The following PCDHGA11 variants were observed in gnomAD, a reference collection of about 807,000 sequenced individuals.
PCDHGA11 encodes the protein protocadherin gamma subfamily A, 11.
Under a neutral mutation model 60.4 loss-of-function variants are expected in PCDHGA11, and 39 were observed. The ratio of observed to expected loss-of-function variants is 0.65; its 90% CI spans 0.50 to 0.84. The LOEUF is 0.84. Among genes scored for constraint, PCDHGA11 ranks in the 40% least tolerant of loss-of-function variants. The pLI is 0.00. For missense variants in PCDHGA11, 1,165 were observed against 1,197.7 expected, an observed-to-expected ratio of 0.97 and a Z score of 0.40; for synonymous variants, 533 against 510.3, an observed-to-expected ratio of 1.04 and a Z score of -0.60.
chr5:141,426,630 T>C, intron 1 of PCDHGA11: 1 of 398,080 alleles, frequency 2.5e-6, no homozygotes, highest in South Asian at 1.8e-5. Context: ...TCTAAATGTT[T>C]TTCACATAAA....
intron 1 of PCDHGA11, chr5:141,471,166 C>T (rs1427053969): frequency 2.0e-5 from 3 of 150,492 alleles, no homozygotes; most frequent in Non-Finnish European, 2.9e-5. Context: ...TCTCCTGGCT[C>T]AGCCTCCCTA....
At chr5:141,501,016 G>A (rs1042009106) in intron 2 of PCDHGA11, among the ~76,000 whole-genome samples, 7 of 151,716 alleles carry the variant, frequency 4.6e-5, no homozygotes, top group Non-Finnish European at 1.0e-4. Context: ...CTACAGGCAC[G>A]CGCCACCACG....
chr5:141,499,268 G>C (rs564234341), intron 2 of PCDHGA11, among the ~76,000 whole-genome samples: 1 of 152,224 alleles, frequency 6.6e-6, no homozygotes, highest in South Asian at 2.1e-4. Flanking sequence ...TTGGTCCCTA[G>C]ACTGTTCTCT....
In PCDHGA11 at chr5:141,432,129, A is replaced by T. The variant is rs758099753; in HGVS notation, c.2433+8469A>T. The T allele has an allele frequency of 6.2e-6, 10 of 1,614,054 alleles. No individual in the cohort carries two copies. In the South Asian group the frequency reaches 8.8e-5, roughly 14 times the overall value. On this transcript the variant is annotated intron_variant, in intron 1 of 3. Transcript: ENST00000398587. This position sits in a 1 kb window ranked among gnomAD's most constrained non-coding sequence, Gnocchi z 6.0. ...CCGCCGGTCTTCCCTCAGGCCTCCTATTCCGCTTATATCCCAGAGAACAAT... is the reference window on the plus strand; with the variant it reads ...CCGCCGGTCTTCCCTCAGGCCTCCTTTTCCGCTTATATCCCAGAGAACAAT...
chr5:141,431,858 G>T lies in PCDHGA11; in HGVS notation c.2433+8198G>T, dbSNP rs1421209596. On this transcript the variant is annotated intron_variant, in intron 1 of 3. Coordinates refer to ENST00000398587, the MANE Select transcript of PCDHGA11 (RefSeq NM_018914.3). This position sits in a 1 kb window ranked among gnomAD's most constrained non-coding sequence, Gnocchi z 4.8. ...AAACTCTCCCAGAGGGACATTAATTGCCCTTTTAAATGTAAATGACCAAGA... is the reference window on the plus strand; with the variant it reads ...AAACTCTCCCAGAGGGACATTAATTTCCCTTTTAAATGTAAATGACCAAGA... 6.8e-6 allele frequency: 11 copies of T among 1,614,080 alleles called. No homozygotes were observed. The highest frequency in any genetic ancestry group is 8.5e-6 in the Non-Finnish European group (10 of 1,180,028).
intron 3 of PCDHGA11, among the ~76,000 whole-genome samples, chr5:141,505,720 G>A (rs1251781594): frequency 2.2e-4 from 34 of 152,212 alleles, no homozygotes; most frequent in Non-Finnish European, 2.9e-5. Context: ...GACTCATGGA[G>A]GGAATAGTGG....
At chr5:141,464,091 T>G (rs2099075583) in intron 1 of PCDHGA11, among the ~76,000 whole-genome samples, 1 of 151,812 alleles carries the variant, frequency 6.6e-6, no homozygotes, top group African/African-American at 2.4e-5. Flanking sequence ...ATGGTGAAAC[T>G]CCGTCTCTAC....
At chr5:141,451,091 G>A (rs2098706622) in intron 1 of PCDHGA11, among the ~76,000 whole-genome samples, 1 of 151,962 alleles carries the variant, frequency 6.6e-6, no homozygotes, top group South Asian at 2.1e-4. Context: ...ACCTCCCAAA[G>A]TGTTGGGATT....
intron 1 of PCDHGA11, among the ~76,000 whole-genome samples, chr5:141,438,609 T>TATAC (rs2098013849): frequency 2.4e-5 from 1 of 41,118 alleles, no homozygotes; most frequent in Non-Finnish European, 3.9e-5. Context: ...TATATATATA[T>TATAC]ATATATATAT....
At position 141,477,053 on chromosome 5, in the gene PCDHGA11, G is replaced by C; in HGVS notation, c.2434-17754G>C. ...GACAATCAAGGGTCGGCTGGACTTC[G>C]AGGACACCAAACTCCATGAGATTTA... On this transcript the variant is annotated intron_variant, in intron 1 of 3. Coordinates refer to ENST00000398587, the MANE Select transcript of PCDHGA11 (RefSeq NM_018914.3). This position sits in a 1 kb window ranked among gnomAD's most constrained non-coding sequence, Gnocchi z 4.9. The C allele has an allele frequency of 6.2e-7, 1 of 1,614,230 alleles. No homozygotes were observed. Among genetic ancestry groups the C allele is most frequent in the Non-Finnish European group, 8.5e-7 (1 of 1,180,032 alleles).
Position 141,485,089 on chromosome 5 carries a change from G to A in PCDHGA11, c.2434-9718G>A. The stretch of plus-strand genomic sequence containing the variant: ...GAGCTGGCGCGGGGAAAGGGAGATA[G>A]GTGTCTCCAGCTGCTGTGGCTGTTT... On this transcript the variant is annotated intron_variant, in intron 1 of 3. Coordinates refer to ENST00000398587, the MANE Select transcript of PCDHGA11 (RefSeq NM_018914.3). This position sits in a 1 kb window ranked among gnomAD's most constrained non-coding sequence, Gnocchi z 5.7. 1 of 1,027,236 alleles carries A rather than the reference G, an allele frequency of 9.7e-7. No homozygotes were observed. The highest frequency in any genetic ancestry group is 1.5e-6 in the Non-Finnish European group (1 of 674,564). 63.6% of individuals were successfully genotyped at this position (1,027,236 alleles called of 1,614,324 possible). A position where few individuals can be genotyped will look rare whatever the true frequency, so the allele number is the denominator to read the frequency against.
intron 1 of PCDHGA11, among the ~76,000 whole-genome samples, chr5:141,492,164 C>G (rs1180358388): frequency 6.6e-6 from 1 of 152,230 alleles, no homozygotes; most frequent in Non-Finnish European, 1.5e-5. Context: ...CTCCCTATCC[C>G]CGCATCACCC....
Position 141,421,947 on chromosome 5 carries a change from C to T in PCDHGA11, c.720C>T (p.Ile240=). 1 of 1,613,118 alleles carries T rather than the reference C, an allele frequency of 6.2e-7. No homozygotes were observed. Among genetic ancestry groups the T allele is most frequent in the African/African-American group, 1.3e-5 (1 of 75,006 alleles). ...TGGTCCTCGATGTAAATGATCACAT[C>T]CCAATGTTTACACAGTCCGTATATC... ...RVVVLDVNDH[I]PMFTQSVYRV... Residue 240 remains isoleucine (I), a synonymous_variant, in exon 1 of 4, where the codon ATC becomes ATT. Coordinates refer to ENST00000398587, the MANE Select transcript of PCDHGA11 (RefSeq NM_018914.3).
chr5:141,491,648 T>G lies in PCDHGA11; in HGVS notation c.2434-3159T>G, dbSNP rs756792762. 1 of 1,613,834 alleles carries G rather than the reference T, an allele frequency of 6.2e-7. No individual in the cohort carries two copies. Among genetic ancestry groups the G allele is most frequent in the Non-Finnish European group, 8.5e-7 (1 of 1,180,002 alleles). On this transcript the variant is annotated intron_variant, in intron 1 of 3. Coordinates refer to ENST00000398587, the MANE Select transcript of PCDHGA11 (RefSeq NM_018914.3). This position sits in a 1 kb window ranked among gnomAD's most constrained non-coding sequence, Gnocchi z 6.9. Reference sequence around the variant, plus strand: ...GTTCAGCAGCCCACAGCTCTGGCGCTGGAGCCTGACGCCATCCGGTCCCGC... The same window carrying G: ...GTTCAGCAGCCCACAGCTCTGGCGCGGGAGCCTGACGCCATCCGGTCCCGC...
chr5:141,438,579 CATACATACATACATAT>C (rs1360889040), intron 1 of PCDHGA11, among the ~76,000 whole-genome samples: 18 of 55,776 alleles, frequency 3.2e-4, no homozygotes, highest in Non-Finnish European at 5.1e-4. Context: ...GATATACATA[CATACATACATACATAT>C]ATATATATAT....
At position 141,484,105 on chromosome 5, in the gene PCDHGA11, A is replaced by G. The variant is rs548687877; in HGVS notation, c.2434-10702A>G. On this transcript the variant is annotated intron_variant, in intron 1 of 3. Coordinates refer to ENST00000398587, the MANE Select transcript of PCDHGA11 (RefSeq NM_018914.3). Reference sequence around the variant, plus strand: ...GAAATGGTCTTCGTTGGTAATTAACAAAAGATCAAGAATACCTTGGTGTCA... The same window carrying G: ...GAAATGGTCTTCGTTGGTAATTAACGAAAGATCAAGAATACCTTGGTGTCA... Among the ~76,000 whole-genome samples, 3 of 152,316 alleles carry G rather than the reference A, an allele frequency of 2.0e-5. No individual in the cohort carries two copies. In the South Asian group the frequency reaches 6.2e-4, roughly 32 times the overall value.
In PCDHGA11 at chr5:141,432,143, C is replaced by G; in HGVS notation, c.2433+8483C>G. 2 of 1,614,084 alleles carry G rather than the reference C, an allele frequency of 1.2e-6. No homozygotes were observed. Among genetic ancestry groups the G allele is most frequent in the Non-Finnish European group, 1.7e-6 (2 of 1,180,006 alleles). Reference sequence around the variant, plus strand: ...TCAGGCCTCCTATTCCGCTTATATCCCAGAGAACAATCCCAGAGGAGTTTC... The same window carrying G: ...TCAGGCCTCCTATTCCGCTTATATCGCAGAGAACAATCCCAGAGGAGTTTC... On this transcript the variant is annotated intron_variant, in intron 1 of 3. Coordinates refer to ENST00000398587, the MANE Select transcript of PCDHGA11 (RefSeq NM_018914.3). This position sits in a 1 kb window ranked among gnomAD's most constrained non-coding sequence, Gnocchi z 6.0.
At chr5:141,463,338 G>A (rs1005543705) in intron 1 of PCDHGA11, among the ~76,000 whole-genome samples, 2 of 150,742 alleles carry the variant, frequency 1.3e-5, no homozygotes, top group African/African-American at 2.4e-5. Flanking sequence ...CAAAACCATG[G>A]TGTTATTCTT....
At chr5:141,496,080 C>G (rs2099765822) in intron 2 of PCDHGA11, among the ~76,000 whole-genome samples, 2 of 152,150 alleles carry the variant, frequency 1.3e-5, no homozygotes, top group East Asian at 1.9e-4. Context: ...ACACAACCCC[C>G]CACCCACCAC....
Sources: allele counts gnomAD v4.1 joint callset (sites outside exome capture counted in the v4.1 genomes callset), GRCh38; gene constraint gnomAD v4.1.1; non-coding constraint Gnocchi (gnomAD v3.1); transcripts MANE v1.5; gene names NCBI Gene and HGNC (gene_info 2026-07-23, HGNC 2026-07-21).